TTN: variants seen among roughly 807,000 people sequenced by gnomAD.
TTN encodes titin.
TTN carries 1,525 observed loss-of-function variants against 3,223.0 expected under a neutral mutation model. The observed-to-expected ratio is 0.47, with a 90% CI of 0.45 to 0.49. The LOEUF is 0.49. Among genes scored for constraint, TTN ranks in the 20% least tolerant of loss-of-function variants. The pLI is 0.00. For synonymous variants in TTN, 14,094 were observed against 15,161.0 expected, an observed-to-expected ratio of 0.93 and a Z score of 5.17; for missense variants, 40,786 against 43,424.0, an observed-to-expected ratio of 0.94 and a Z score of 5.40.
intron 150 of TTN, 71 bp downstream of exon 150, chr2:178,674,968 C>G (rs1490058782): frequency 4.6e-6 from 4 of 861,652 alleles, no homozygotes; most frequent in Admixed American, 3.7e-5. Flanking sequence ...TTACATTTAC[C>G]TACTTCAAAT....
At position 178,616,168 on chromosome 2, in the gene TTN, A is replaced by G. The variant is rs6746453; in HGVS notation, c.48312+311T>C. ...AGAAGTGTGACCACCAGGGAAATAA[A>G]TATTTACTTTCCACTTCTAGCTTAA... On this transcript the variant is annotated intron_variant, in intron 257 of 362. Transcript: ENST00000589042. 6.7e-3 allele frequency among the ~76,000 whole-genome samples: 1,023 copies of G among 152,058 alleles called. 12 individuals carry two copies. The highest frequency in any genetic ancestry group is 0.023 in the African/African-American group (967 of 41,516).
At chr2:178,733,192 G>T (rs755793579) in intron 54 of TTN, 47 bp downstream of exon 54, 1 of 1,556,448 alleles carries the variant, frequency 6.4e-7, no homozygotes, top group Non-Finnish European at 8.7e-7. Flanking sequence ...TAGGCCATTT[G>T]TTGGGTTTCA....
chr2:178,599,393 A>G lies in TTN; in HGVS notation c.56400T>C (p.Asp18800=), dbSNP rs761022989. Residue 18800 remains aspartate, a synonymous_variant, in exon 290 of 363, where the codon GAT becomes GAC. Transcript: ENST00000589042. ...GPIKFESVSA[D]QMTLSWFPPK... ...GTGGAAACCAAGATAGTGTCATTTG[A>G]TCTGCTGAAACAGATTCAAATTTTA... is the stretch of plus-strand genomic sequence containing the variant. 6.3e-7 allele frequency: 1 copy of G among 1,585,202 alleles called. No homozygotes were observed. The highest frequency in any genetic ancestry group is 1.8e-5 in the Admixed American group (1 of 55,248).
chr2:178,765,635 C>T (rs2090237942), intron 41 of TTN, among the ~76,000 whole-genome samples: 1 of 152,080 alleles, frequency 6.6e-6, no homozygotes, highest in Admixed American at 6.5e-5. Flanking sequence ...TTGAGATTAC[C>T]CCTGGAGTTC....
rs757588009 is a variant in TTN, at chr2:178,562,354, T to C, written c.83778A>G (p.Leu27926=). 120 of 1,610,924 alleles carry C rather than the reference T, an allele frequency of 7.4e-5. No homozygotes were observed. The highest frequency in any genetic ancestry group is 9.5e-5 in the Non-Finnish European group (112 of 1,178,754). ...TGAAGACATACTCTTCTCCTGCAGT[T>C]AAGCCAGATATAGTTGCTTCTAGAG... ...VKTLEATISG[L]TAGEEYVFRV... is the part of the protein sequence containing the mutation. Residue 27926 remains leucine (L), a synonymous_variant, in exon 326 of 363, where the codon TTA becomes TTG. Coordinates refer to ENST00000589042, the MANE Select transcript of TTN (RefSeq NM_001267550.2).
chr2:178,776,340 C>G lies in TTN; in HGVS notation c.5524G>C (p.Asp1842His). ...TTDQKEKQKP[D>H]IVLYPEPVRV... is the part of the protein sequence containing the mutation. The stretch of plus-strand genomic sequence containing the variant: ...ACTGGCTCTGGGTACAAGACAATGT[C>G]TGGCTTTTGCTTTTCTTTCTGATCT... The change falls in exon 28 of 363, where the codon GAC (aspartate) becomes CAC (histidine). Residue 1842 changes from aspartate (D) to histidine (H), a missense_variant. Transcript: ENST00000589042. 6.2e-7 allele frequency: 1 copy of G among 1,613,886 alleles called. No individual in the cohort carries two copies.
rs1560056220 is a variant in TTN, at chr2:178,646,107, TATATATATATATA to T, written c.40298-90_40298-78del. ...TATGTAGTATATTTAATAGAAATTA[TATATATATATATA>T]TATATATATATATATATATATATAT... On this transcript the variant is annotated intron_variant, in intron 216 of 362. Coordinates refer to ENST00000589042, the MANE Select transcript of TTN (RefSeq NM_001267550.2). 728 of 85,284 alleles carry T rather than the reference TATATATATATATA, an allele frequency of 8.5e-3. 31 individuals carry two copies. The highest frequency in any genetic ancestry group is 0.036 in the African/African-American group (692 of 19,008). 5.3% of individuals were successfully genotyped at this position (85,284 alleles called of 1,614,324 possible). A position where few individuals can be genotyped will look rare whatever the true frequency, so the allele number is the denominator to read the frequency against.
At chr2:178,723,025 A>G in intron 75 of TTN, 21 bp downstream of exon 75, 2 of 1,608,000 alleles carry the variant, frequency 1.2e-6, no homozygotes, top group Non-Finnish European at 1.7e-6. Context: ...AAATGATTTA[A>G]GAGACAATAA....
chr2:178,722,708 T>C lies in TTN; in HGVS notation c.22191A>G (p.Ala7397=), dbSNP rs1259362025. The C allele has an allele frequency of 6.2e-7, 1 of 1,613,074 alleles. No homozygotes were observed. The highest frequency in any genetic ancestry group is 1.3e-5 in the African/African-American group (1 of 74,910). The part of the protein sequence containing the change: ...INDSGEYTCK[A]ENSIGTASSK... ...AAGAAGCAGTTCCTATACTATTTTC[T>C]GCTTTGCATGTGTACTCTCCACTGT... Residue 7397 remains alanine (A), a synonymous_variant, in exon 76 of 363, where the codon GCA becomes GCG. Coordinates refer to ENST00000589042, the MANE Select transcript of TTN (RefSeq NM_001267550.2).
At position 178,576,879 on chromosome 2, in the gene TTN, G is replaced by A. The variant is rs2046554236; in HGVS notation, c.69412+44C>T. 3 of 1,605,416 alleles carry A rather than the reference G, an allele frequency of 1.9e-6. No homozygotes were observed. The highest frequency in any genetic ancestry group is 4.5e-5 in the East Asian group (2 of 44,742). ...AGAAATCCATGATTTCCTAAACTCTGCTATAAATGTTTCCATGTCAATTCC... is the reference window on the plus strand; with the variant it reads ...AGAAATCCATGATTTCCTAAACTCTACTATAAATGTTTCCATGTCAATTCC... On this transcript the variant is annotated intron_variant, in intron 324 of 362. Transcript: ENST00000589042. This position sits in a 1 kb window ranked among gnomAD's most constrained non-coding sequence, Gnocchi z 4.3.
rs772536290 is a variant in TTN, at chr2:178,558,418, C to A, written c.87041G>T (p.Arg29014Leu). The change falls in exon 327 of 363, where the codon CGA becomes CTA. Residue 29014 changes from arginine (R) to leucine (L), a missense_variant. Arg to Leu is a moderately radical substitution (Grantham distance 102). Transcript: ENST00000589042. ...GLRENSEYFF[R>L]VFAENQAGLS... is the part of the protein sequence containing the mutation. Reference sequence around the variant, plus strand: ...GCCAGCTTGATTTTCAGCAAACACTCGGAAAAAGTATTCAGAATTCTCTCT... The same window carrying A: ...GCCAGCTTGATTTTCAGCAAACACTAGGAAAAAGTATTCAGAATTCTCTCT... 1 of 1,613,624 alleles carries A rather than the reference C, an allele frequency of 6.2e-7. No homozygotes were observed.
rs776653576 is a variant in TTN at position 178,598,944 on chromosome 2, T to A, written c.56766A>T (p.Glu18922Asp). Reference protein sequence around the residue: ...GGSPVTGYWLEMKDTTSKRWK... With the variant: ...GGSPVTGYWLDMKDTTSKRWK... ...ATCTCTTTGAAGTGGTGTCTTTCAT[T>A]TCCAGCCAGTACCCTGTCACAGGAG... is the stretch of plus-strand genomic sequence containing the variant. The change falls in exon 291 of 363, where the codon GAA (glutamate) becomes GAT (aspartate). Residue 18922 changes from glutamate (E) to aspartate (D), a missense_variant. Transcript: ENST00000589042. The A allele has an allele frequency of 6.2e-7, 1 of 1,612,868 alleles. No homozygotes were observed. Among genetic ancestry groups the A allele is most frequent in the African/African-American group, 1.3e-5 (1 of 74,996 alleles).
At chr2:178,747,053 C>T (rs777706114) in intron 47 of TTN, 2 of 1,613,174 alleles carry the variant, frequency 1.2e-6, no homozygotes, top group Non-Finnish European at 1.7e-6. Context: ...AATAGAATAT[C>T]TCTCTAGTGC....
At chr2:178,745,291 C>T in intron 47 of TTN, 1 of 1,227,260 alleles carries the variant, frequency 8.1e-7, no homozygotes, top group South Asian at 2.0e-5. Context: ...GTGGAGGAGG[C>T]ATGAGGGTAA....
chr2:178,707,859 G>A (rs747106573), intron 99 of TTN, 46 bp from the exon 100 acceptor site: 11 of 1,522,322 alleles, frequency 7.2e-6, no homozygotes, highest in East Asian at 6.8e-5. Flanking sequence ...AGGCAAAAAA[G>A]TATTAAATTC....
chr2:178,598,187 T>G, intron 292 of TTN, 129 bp from the exon 293 acceptor site: 4 of 1,110,592 alleles, frequency 3.6e-6, no homozygotes, highest in Non-Finnish European at 1.3e-6. Flanking sequence ...CTGGTTTAGG[T>G]TTTAGGGATC....
chr2:178,683,327 A>C, intron 133 of TTN, 36 bp from the exon 134 acceptor site: 1 of 1,320,228 alleles, frequency 7.6e-7, no homozygotes, highest in Non-Finnish European at 1.0e-6. Flanking sequence ...GAATTGCAAG[A>C]TTCTGAAAAT....
chr2:178,778,138 T>C (rs2092426354), intron 24 of TTN, 163 bp from the exon 25 acceptor site: 2 of 899,848 alleles, frequency 2.2e-6, no homozygotes, highest in Admixed American at 2.2e-5. Context: ...AATATATTAT[T>C]GTTGCCCCCA....
Position 178,547,808 on chromosome 2 carries a change from A to T in TTN, c.93818T>A (p.Leu31273Gln). 1.9e-6 allele frequency: 3 copies of T among 1,613,842 alleles called. No individual in the cohort carries two copies. Among genetic ancestry groups the T allele is most frequent in the Non-Finnish European group, 2.5e-6 (3 of 1,179,846 alleles). ...ACCTCTCATGCTGTCCTTTACAGTC[A>T]GTGTGGTTCTGTCTTTTGTTGTTGT... ...SITTTKDRTT[L>Q]TVKDSMRGDS... Residue 31273 changes from leucine (L) to glutamine (Q), a missense_variant, in exon 339 of 363, where the codon CTG (leucine) becomes CAG (glutamine). Transcript: ENST00000589042.
Sources: gnomAD v4.1 joint callset for allele counts (sites outside exome capture counted in the v4.1 genomes callset) on GRCh38, gnomAD v4.1.1 for gene constraint, Gnocchi (gnomAD v3.1) non-coding constraint, MANE v1.5 for transcripts, NCBI Gene and HGNC (gene_info 2026-07-23, HGNC 2026-07-21) for gene names.